ARHGAP10: variants seen among roughly 807,000 people sequenced by gnomAD.
ARHGAP10 encodes rho GTPase-activating protein 10.
In ARHGAP10, 87 loss-of-function variants were observed where a neutral mutation model predicts 108.6. The ratio of observed to expected loss-of-function variants is 0.80; its 90% CI spans 0.67 to 0.96. The LOEUF (loss-of-function observed/expected upper bound fraction) is 0.96, where lower values mean the gene tolerates loss of function less well. Ranked by LOEUF, ARHGAP10 falls within the 40% of genes least tolerant of loss-of-function variation. The probability of loss-of-function intolerance (pLI) is 0.00; values close to 1 mark genes in which losing one functional copy is unlikely to be tolerated. For missense variants in ARHGAP10, 939 were observed against 954.5 expected (o/e 0.98, Z 0.21); for synonymous variants, 347 against 341.1 (o/e 1.02, Z -0.19).
At chr4:148,009,932 A>G (rs533482534) in intron 18 of ARHGAP10, among the ~76,000 whole-genome samples, 2 of 152,346 alleles carry the variant, frequency 1.3e-5, no homozygotes, top group African/African-American at 4.8e-5. Flanking sequence ...AGTTTCTGGT[A>G]TCTGAATAAG....
chr4:147,889,356 A>G (rs62330731), intron 10 of ARHGAP10, among the ~76,000 whole-genome samples: 21,376 of 152,190 alleles, frequency 0.14, 1,815 homozygotes, highest in Non-Finnish European at 0.2. Flanking sequence ...GTGCAGTGCA[A>G]TGGCACGATC....
intron 5 of ARHGAP10, chr4:147,863,313 A>G (rs1327893193): frequency 4.6e-5 from 7 of 152,128 alleles, no homozygotes; most frequent in Non-Finnish European, 2.9e-5. Context: ...GAATTTAACT[A>G]CTCTAGGTGT....
At chr4:147,757,900 C>T (rs2126701164) in intron 1 of ARHGAP10, among the ~76,000 whole-genome samples, 1 of 152,252 alleles carries the variant, frequency 6.6e-6, no homozygotes, top group East Asian at 1.9e-4. Flanking sequence ...AACAGGTGTG[C>T]CCGAGACTGC....
intron 1 of ARHGAP10, among the ~76,000 whole-genome samples, chr4:147,795,632 G>A (rs1197856232): frequency 6.6e-6 from 1 of 151,460 alleles, no homozygotes. Flanking sequence ...GTAAATGTGA[G>A]GTGACTGGAT....
chr4:148,010,303 C>T (rs1390443557), intron 18 of ARHGAP10, among the ~76,000 whole-genome samples: 1 of 152,162 alleles, frequency 6.6e-6, no homozygotes, highest in Non-Finnish European at 1.5e-5. Context: ...CTTTCAAGAC[C>T]ACAGTGCATT....
intron 4 of ARHGAP10, among the ~76,000 whole-genome samples, chr4:147,852,881 G>T (rs1733931972): frequency 6.6e-6 from 1 of 151,766 alleles, no homozygotes. Flanking sequence ...AGCACGCCAG[G>T]CTAATTTTGT....
intron 12 of ARHGAP10, among the ~76,000 whole-genome samples, chr4:147,912,082 A>C (rs1476989263): frequency 1.3e-5 from 2 of 150,622 alleles, no homozygotes; most frequent in Non-Finnish European, 2.9e-5. Flanking sequence ...TTTTTGGCAA[A>C]ATATATCTTA....
intron 19 of ARHGAP10, among the ~76,000 whole-genome samples, chr4:148,042,241 C>T (rs963301034): frequency 6.6e-6 from 1 of 152,176 alleles, no homozygotes; most frequent in East Asian, 1.9e-4. Context: ...CACCCTTCAC[C>T]TTTGTTCACT....
intron 1 of ARHGAP10, among the ~76,000 whole-genome samples, chr4:147,771,483 T>A (rs545950945): frequency 2.1e-5 from 2 of 95,848 alleles, no homozygotes; most frequent in Admixed American, 1.4e-4. Context: ...TACTCTTTTA[T>A]TTTAAAATGT....
intron 1 of ARHGAP10, among the ~76,000 whole-genome samples, chr4:147,742,871 A>G (rs776291462): frequency 6.6e-6 from 1 of 150,510 alleles, no homozygotes; most frequent in Non-Finnish European, 1.5e-5. Flanking sequence ...AATCATCCAT[A>G]ATAGTGTTGA....
intron 18 of ARHGAP10, among the ~76,000 whole-genome samples, chr4:148,000,239 C>T (rs1432415639): frequency 6.6e-6 from 1 of 152,104 alleles, no homozygotes; most frequent in African/African-American, 2.4e-5. Context: ...CATCCATGTC[C>T]CTACAAAGGA....
At chr4:147,919,294 GT>G (rs2126931397) in intron 13 of ARHGAP10, among the ~76,000 whole-genome samples, 1 of 152,152 alleles carries the variant, frequency 6.6e-6, no homozygotes, top group South Asian at 2.1e-4. Context: ...AATTATTCTA[GT>G]TTTGAGATAA....
chr4:148,067,021 G>A (rs1343919716), intron 22 of ARHGAP10, among the ~76,000 whole-genome samples: 1 of 152,196 alleles, frequency 6.6e-6, no homozygotes, highest in African/African-American at 2.4e-5. Flanking sequence ...GGCACCCCGG[G>A]TGTCTCAGGA....
intron 19 of ARHGAP10, among the ~76,000 whole-genome samples, chr4:148,023,617 G>T (rs1329479838): frequency 6.6e-6 from 1 of 152,190 alleles, no homozygotes; most frequent in South Asian, 2.1e-4. Context: ...TCTTTGTTAT[G>T]CATGGTTCTT....
chr4:147,970,097 C>G (rs1310329789), intron 18 of ARHGAP10, among the ~76,000 whole-genome samples: 1 of 152,028 alleles, frequency 6.6e-6, no homozygotes, highest in Non-Finnish European at 1.5e-5. Context: ...TTGAACACTT[C>G]TACTCCCACT....
chr4:147,965,558 CAG>C (rs1191894994), intron 17 of ARHGAP10, among the ~76,000 whole-genome samples: 1 of 152,132 alleles, frequency 6.6e-6, no homozygotes. Flanking sequence ...AAAATCAAAT[CAG>C]TGGAGAAATT....
At chr4:147,985,196 C>G (rs546002817) in intron 18 of ARHGAP10, among the ~76,000 whole-genome samples, 1 of 152,254 alleles carries the variant, frequency 6.6e-6, no homozygotes, top group Admixed American at 6.5e-5. Flanking sequence ...GGCTGCAGAT[C>G]CAGGCAAGTG....
Position 147,857,573 on chromosome 4 carries a change from CAAAG to C in ARHGAP10, c.407_410del (p.Lys136ArgfsTer8), listed in dbSNP as rs1453270145. 3.4e-6 allele frequency: 5 copies of C among 1,474,096 alleles called. No homozygotes were observed. The highest frequency in any genetic ancestry group is 4.5e-6 in the Non-Finnish European group (5 of 1,113,528). The allele number at this position is 1,474,096 out of a possible 1,614,324, so 91.3% of individuals were successfully genotyped here. ...TGTAGGAAGAAAAAAAGAAGTTTGA[CAAAG>C]AGACAGAAAAGAATTATAGTCTAAT... On this transcript the variant is annotated frameshift_variant, in exon 5 of 23. Transcript: ENST00000336498. LOFTEE classifies it high-confidence loss of function.
At chr4:147,854,801 A>AC in intron 4 of ARHGAP10, 7 of 985,444 alleles carry the variant, frequency 7.1e-6, no homozygotes, top group Non-Finnish European at 8.4e-6. Context: ...TTTGTATAAT[A>AC]CCATACCATA....
Sources: allele counts gnomAD v4.1 joint callset (sites outside exome capture counted in the v4.1 genomes callset), GRCh38; gene constraint gnomAD v4.1.1; transcripts MANE v1.5; gene names NCBI Gene and HGNC (gene_info 2026-07-23, HGNC 2026-07-21).